POLE: variants seen among roughly 807,000 people sequenced by gnomAD.
The protein encoded by POLE is DNA polymerase epsilon catalytic subunit A.
Under a neutral mutation model 279.2 loss-of-function variants are expected in POLE, and 188 were observed. That is an observed-to-expected ratio of 0.67 (90% confidence interval 0.60 to 0.76). POLE has a LOEUF of 0.76. POLE is among the 30% of genes least tolerant of loss of function. The pLI, the probability that POLE is intolerant of heterozygous loss-of-function variation, is 0.00. For missense variants in POLE, 2,703 were observed against 3,016.7 expected, an observed-to-expected ratio of 0.90 and a Z score of 2.44; for synonymous variants, 1,214 against 1,172.5, an observed-to-expected ratio of 1.04 and a Z score of -0.72.
At chr12:132,653,336 C>A (rs1166391846) in intron 29 of POLE, among the ~76,000 whole-genome samples, 1 of 152,204 alleles carries the variant, frequency 6.6e-6, no homozygotes, top group Non-Finnish European at 1.5e-5. Flanking sequence ...GATCTTGCCA[C>A]CGCACTCTAG....
intron 15 of POLE, 116 bp downstream of exon 15, chr12:132,672,511 G>C (rs1036661573): frequency 2.5e-5 from 30 of 1,206,214 alleles, no homozygotes; most frequent in Non-Finnish European, 3.1e-5. Flanking sequence ...AGCCACACCC[G>C]GTGAGGGGCC....
intron 23 of POLE, among the ~76,000 whole-genome samples, chr12:132,663,142 G>A (rs547858700): frequency 6.6e-6 from 1 of 152,296 alleles, no homozygotes; most frequent in South Asian, 2.1e-4. Context: ...CCTGCTCCAC[G>A]ATATCTATTT....
rs948863311 is a variant in POLE, at chr12:132,668,307, G to A, written c.2173+49C>T. Reference sequence around the variant, plus strand: ...ACGCAGCCCAGTAAGAACAGAAAGTGGGAGCAGGAGCCACATCTTTACAGC... The same window carrying A: ...ACGCAGCCCAGTAAGAACAGAAAGTAGGAGCAGGAGCCACATCTTTACAGC... On this transcript the variant is annotated intron_variant, in intron 19 of 48. Transcript: ENST00000320574. This position sits in a 1 kb window ranked among gnomAD's most constrained non-coding sequence, Gnocchi z 4.0. The A allele has an allele frequency of 9.3e-6, 14 of 1,506,528 alleles. No homozygotes were observed. Among genetic ancestry groups the A allele is most frequent in the Non-Finnish European group, 1.1e-5 (12 of 1,128,044 alleles). 93.3% of individuals were successfully genotyped at this position (1,506,528 alleles called of 1,614,324 possible).
In POLE at chr12:132,681,130, G is replaced by T. The variant is rs749595462; in HGVS notation, c.204+8C>A. ...TATTCCTGGGTGGGAGAAGGACCTA[G>T]TGCTTACAGGATGCATGTTAATGAG... is the stretch of plus-strand genomic sequence containing the variant. On this transcript the variant is annotated splice_region_variant and intron_variant, in intron 2 of 48. Transcript: ENST00000320574. The T allele has an allele frequency of 1.9e-6, 3 of 1,613,876 alleles. No homozygotes were observed. The highest frequency in any genetic ancestry group is 2.5e-6 in the Non-Finnish European group (3 of 1,179,996).
At chr12:132,654,813 AC>A (rs1403244788) in intron 29 of POLE, among the ~76,000 whole-genome samples, 9 of 152,176 alleles carry the variant, frequency 5.9e-5, no homozygotes, top group Admixed American at 3.3e-4. Flanking sequence ...AAAAGATGTG[AC>A]TATTTTCCTA....
At chr12:132,653,171 C>T (rs2042460582) in intron 29 of POLE, among the ~76,000 whole-genome samples, 1 of 152,086 alleles carries the variant, frequency 6.6e-6, no homozygotes. Flanking sequence ...CACTTGAGCC[C>T]AAGAGTTTAA....
At chr12:132,648,596 T>C (rs1219011642) in intron 32 of POLE, 4 of 228,818 alleles carry the variant, frequency 1.7e-5, no homozygotes, top group Non-Finnish European at 3.4e-5. Flanking sequence ...GTGAGTTGGA[T>C]GGCGTAACTT....
Position 132,642,357 on chromosome 12 carries a change from A to T in POLE, c.4993T>A (p.Ser1665Thr), listed in dbSNP as rs1477996766. 6.3e-7 allele frequency: 1 copy of T among 1,587,130 alleles called. No individual in the cohort carries two copies. The highest frequency in any genetic ancestry group is 8.6e-7 in the Non-Finnish European group (1 of 1,164,782). ...IPIGNLPEDISTFGSDLFFAR... is the reference protein window; with the variant it reads ...IPIGNLPEDITTFGSDLFFAR... ...AAGAAGAGGTCGGAGCCGAATGTGGAGATGTCCTCTGGTAGGTTCCCAATG... is the reference window on the plus strand; with the variant it reads ...AAGAAGAGGTCGGAGCCGAATGTGGTGATGTCCTCTGGTAGGTTCCCAATG... Residue 1665 changes from serine (S) to threonine (T), a missense_variant, in exon 38 of 49, where the codon TCC (serine) becomes ACC (threonine). Physicochemically the swap from Ser to Thr is moderately conservative, Grantham distance 58. Coordinates refer to ENST00000320574, the MANE Select transcript of POLE (RefSeq NM_006231.4).
intron 26 of POLE, among the ~76,000 whole-genome samples, 157 bp downstream of exon 26, chr12:132,659,138 C>G (rs1345822972): frequency 6.6e-6 from 1 of 152,242 alleles, no homozygotes; most frequent in Admixed American, 6.5e-5. Flanking sequence ...GTGTTAAACA[C>G]AGCCCAAATC....
At chr12:132,644,323 C>CTTTTTT (rs57257940) in intron 32 of POLE, among the ~76,000 whole-genome samples, 4 of 107,704 alleles carry the variant, frequency 3.7e-5, no homozygotes, top group Admixed American at 1.0e-4. Context: ...CCACGGATGG[C>CTTTTTT]TTTTTTTTTT....
At chr12:132,673,391 G>A in intron 13 of POLE, 114 bp from the exon 14 acceptor site, 1 of 1,156,052 alleles carries the variant, frequency 8.7e-7, no homozygotes, top group Non-Finnish European at 1.3e-6. Context: ...ACAGTAAGGA[G>A]ACCGGCACAG....
chr12:132,649,360 G>C lies in POLE; in HGVS notation c.3951C>G (p.Ser1317Arg), dbSNP rs773095653. The change falls in exon 31 of 49, where the codon AGC (serine) becomes AGG (arginine). Residue 1317 changes from serine (S) to arginine (R), a missense_variant. Around this residue, in one of 5 missense-constraint regions of POLE, gnomAD observed 1,551 missense variants for 1,686.1 expected, o/e 0.92. Transcript: ENST00000320574. ...TGCTGCGGGCAGTTCTTCGCAAGAA[G>C]CTCCCCAGCCCCGTGGCAGGACCAT... ...IRDGPATGLG[S>R]FLRRTARSIL... 6.2e-7 allele frequency: 1 copy of C among 1,613,616 alleles called. No homozygotes were observed. Among genetic ancestry groups the C allele is most frequent in the Admixed American group, 1.7e-5 (1 of 60,034 alleles).
chr12:132,655,943 A>T (rs929540137), intron 29 of POLE, among the ~76,000 whole-genome samples: 4 of 151,938 alleles, frequency 2.6e-5, no homozygotes, highest in African/African-American at 9.7e-5. Flanking sequence ...GGGTGCATTC[A>T]CCTGAGGTCA....
chr12:132,661,047 G>A lies in POLE; in HGVS notation c.2982C>T (p.Leu994=), dbSNP rs771463033. 2.1e-5 allele frequency: 34 copies of A among 1,613,958 alleles called. No individual in the cohort carries two copies. The Admixed American group carries it at 5.0e-4, about 24-fold the overall frequency. Residue 994 remains leucine, a synonymous_variant, in exon 25 of 49, where the codon CTC becomes CTT. Coordinates refer to ENST00000320574, the MANE Select transcript of POLE (RefSeq NM_006231.4). The surrounding 1 kb of genome is among the most constrained non-coding windows in gnomAD (Gnocchi z 4.1). ...ACACCTCTTCCAGCGTGCTGCCCTT[G>A]AGGAAGGCCTCAAACACCGAGGATT... ...IFQSSVFEAF[L]KGSTLEEVYG... is the part of the protein sequence containing the mutation.
At chr12:132,672,457 G>C (rs982813089) in intron 15 of POLE, 135 bp from the exon 16 acceptor site, 2 of 1,017,656 alleles carry the variant, frequency 2.0e-6, no homozygotes, top group African/African-American at 3.2e-5. Context: ...ACAATCTGCA[G>C]TGCACTGCCC....
intron 45 of POLE, 110 bp downstream of exon 45, chr12:132,632,205 C>G: frequency 1.2e-6 from 1 of 817,112 alleles, no homozygotes; most frequent in South Asian, 1.7e-5. Context: ...CACACATACG[C>G]TAGCACGTTC....
rs1395533975 is a variant in POLE at position 132,632,344 on chromosome 12, C to T, written c.6301G>A (p.Ala2101Thr). The change falls in exon 45 of 49, where the codon GCC becomes ACC. Residue 2101 changes from alanine (A) to threonine (T), a missense_variant. Physicochemically the swap from Ala to Thr is moderately conservative, Grantham distance 58. Coordinates refer to ENST00000320574, the MANE Select transcript of POLE (RefSeq NM_006231.4). The part of the protein sequence containing the change: ...PGSHLLLNNP[A>T]LEFIKYVCKV... Reference sequence around the variant, plus strand: ...CACACGTATTTGATGAACTCCAGGGCAGGGTTATTGAGCAGCAAGTGGGAA... The same window carrying T: ...CACACGTATTTGATGAACTCCAGGGTAGGGTTATTGAGCAGCAAGTGGGAA... The T allele has an allele frequency of 1.9e-6, 3 of 1,614,024 alleles. No homozygotes were observed. The highest frequency in any genetic ancestry group is 1.6e-4 in the Middle Eastern group (1 of 6,082).
At chr12:132,680,954 T>C in intron 2 of POLE, 184 bp downstream of exon 2, 1 of 687,046 alleles carries the variant, frequency 1.5e-6, no homozygotes, top group Non-Finnish European at 2.4e-6. Flanking sequence ...CTCCGGCTTC[T>C]CACAGTGGCC....
chr12:132,668,404 C>A lies in POLE; in HGVS notation c.2125G>T (p.Glu709Ter), dbSNP rs1367402208. ...FPEGPARAFH[E>*]LSREEQAKYE... The stretch of plus-strand genomic sequence containing the variant: ...TTCGCCTGTTCCTCGCGGGACAGTT[C>A]ATGAAAGGCCCGAGCTGGCCCCTCT... Residue 709 changes from glutamate to a stop codon, truncating the protein, a stop_gained, in exon 19 of 49, where the codon GAA (glutamate) becomes TAA (stop). Coordinates refer to ENST00000320574, the MANE Select transcript of POLE (RefSeq NM_006231.4). LOFTEE classifies it high-confidence loss of function. This position sits in a 1 kb window ranked among gnomAD's most constrained non-coding sequence, Gnocchi z 4.0. The A allele has an allele frequency of 6.2e-7, 1 of 1,611,768 alleles. No homozygotes were observed. The highest frequency in any genetic ancestry group is 8.5e-7 in the Non-Finnish European group (1 of 1,178,876).
Sources: gnomAD v4.1 joint callset for allele counts (sites outside exome capture counted in the v4.1 genomes callset) on GRCh38, gnomAD v4.1.1 for gene constraint, gnomAD v4.1.1 regional missense constraint, Gnocchi (gnomAD v3.1) non-coding constraint, MANE v1.5 for transcripts, NCBI Gene and HGNC (gene_info 2026-07-23, HGNC 2026-07-21) for gene names.